The following ADAM18 variants were observed in gnomAD, a reference collection of about 807,000 sequenced individuals.
ADAM18 encodes the protein ADAM metallopeptidase domain 18.
ADAM18 carries 117 observed loss-of-function variants against 94.4 expected under a neutral mutation model. That is an observed-to-expected ratio of 1.24 (90% confidence interval 1.07 to 1.45). ADAM18 has a LOEUF of 1.45. Among genes scored for constraint, ADAM18 ranks in the 40% most tolerant of loss-of-function variants. The probability of loss-of-function intolerance (pLI) is 0.00; values close to 1 mark genes in which losing one functional copy is unlikely to be tolerated. For synonymous variants in ADAM18, 327 were observed against 291.6 expected, an observed-to-expected ratio of 1.12 and a Z score of -1.24; for missense variants, 936 against 880.0, an observed-to-expected ratio of 1.06 and a Z score of -0.81.
intron 12 of ADAM18, 91 bp from the exon 13 acceptor site, chr8:39,663,704 C>G: frequency 1.6e-6 from 1 of 624,180 alleles, no homozygotes; most frequent in South Asian, 1.7e-5. Flanking sequence ...CAAGTTTGTA[C>G]ACAACAGAAT....
intron 12 of ADAM18, among the ~76,000 whole-genome samples, chr8:39,663,469 T>C (rs1043241103): frequency 2.7e-5 from 4 of 149,452 alleles, no homozygotes; most frequent in African/African-American, 9.8e-5. Context: ...CATGATTGCT[T>C]ACACCTCTGG....
rs1384744278 is a variant in ADAM18 at position 39,680,200 on chromosome 8, G to A, written c.1795G>A (p.Asp599Asn). The A allele has an allele frequency of 1.9e-6, 3 of 1,613,060 alleles. No homozygotes were observed. The highest frequency in any genetic ancestry group is 2.5e-6 in the Non-Finnish European group (3 of 1,179,680). The change falls in exon 16 of 20, where the codon GAT becomes AAT. Residue 599 changes from aspartate (D) to asparagine (N), a missense_variant. Physicochemically the swap from Asp to Asn is conservative, Grantham distance 23. Transcript: ENST00000265707. Reference protein sequence around the residue: ...SDGTDNAYVADGTMCGPEMYC... With the variant: ...SDGTDNAYVANGTMCGPEMYC... ...TGGAACAGACAATGCCTATGTGGCT[G>A]ATGGCACCATGTGTGGTCCAGAAAT...
Position 39,728,728 on chromosome 8 carries a change from G to A in ADAM18, c.2178-1170G>A, listed in dbSNP as rs147681417. Among the ~76,000 whole-genome samples the A allele has an allele frequency of 1.2e-4, 19 of 152,166 alleles. No homozygotes were observed. In the East Asian group the frequency reaches 3.7e-3, roughly 29 times the overall value. ...AAGTCAAACAAATATTTTATGTTTA[G>A]AAGGAAGTGTGGAAAAATGAATTGT... On this transcript the variant is annotated intron_variant, in intron 19 of 19. Coordinates refer to ENST00000265707, the MANE Select transcript of ADAM18 (RefSeq NM_014237.3).
intron 19 of ADAM18, 47 bp downstream of exon 19, chr8:39,723,954 A>G: frequency 8.6e-7 from 1 of 1,168,844 alleles, no homozygotes; most frequent in Non-Finnish European, 1.1e-6. Context: ...TATCCTAGTC[A>G]TTAACCAGTG....
Position 39,706,924 on chromosome 8 carries a change from C to G in ADAM18, c.2017+20C>G, listed in dbSNP as rs755065477. The G allele has an allele frequency of 7.2e-6, 10 of 1,395,302 alleles. No homozygotes were observed. The South Asian group carries it at 1.2e-4, about 17-fold the overall frequency. The allele number at this position is 1,395,302 out of a possible 1,614,324, so 86.4% of individuals were successfully genotyped here. Reference sequence around the variant, plus strand: ...AATCTGGTAAGTGGAAATTTGTTTTCTAAAGCAAAATAGAAGGTTGTTTTA... The same window carrying G: ...AATCTGGTAAGTGGAAATTTGTTTTGTAAAGCAAAATAGAAGGTTGTTTTA... On this transcript the variant is annotated intron_variant, in intron 18 of 19. Transcript: ENST00000265707.
chr8:39,678,631 G>T (rs188876719), intron 15 of ADAM18, among the ~76,000 whole-genome samples: 30 of 152,188 alleles, frequency 2.0e-4, no homozygotes, highest in African/African-American at 7.2e-4. Context: ...GAAGATGGTG[G>T]CATGACAACC....
At chr8:39,722,315 T>TTA (rs5891065) in intron 18 of ADAM18, among the ~76,000 whole-genome samples, 12,243 of 146,132 alleles carry the variant, frequency 0.084, 697 homozygotes, top group Non-Finnish European at 0.12. Flanking sequence ...TTATATTTCT[T>TTA]TATATATATA....
At chr8:39,611,489 T>C (rs917014371) in intron 6 of ADAM18, 8 of 985,100 alleles carry the variant, frequency 8.1e-6, no homozygotes, top group African/African-American at 1.7e-5. Flanking sequence ...TTCACACTTT[T>C]ATTCTACTTT....
chr8:39,683,139 C>T (rs1258836919), intron 16 of ADAM18, among the ~76,000 whole-genome samples: 1 of 152,168 alleles, frequency 6.6e-6, no homozygotes, highest in East Asian at 1.9e-4. Flanking sequence ...TCATTGCTTA[C>T]TTGGATGAAA....
At chr8:39,707,733 A>G (rs1422808928) in intron 18 of ADAM18, among the ~76,000 whole-genome samples, 1 of 152,140 alleles carries the variant, frequency 6.6e-6, no homozygotes, top group Non-Finnish European at 1.5e-5. Flanking sequence ...AAATATTAAA[A>G]TATTTATAAT....
chr8:39,645,163 C>T (rs1310767273), intron 10 of ADAM18, among the ~76,000 whole-genome samples, 175 bp from the exon 11 acceptor site: 1 of 152,092 alleles, frequency 6.6e-6, no homozygotes, highest in East Asian at 1.9e-4. Flanking sequence ...TTGTTTCATG[C>T]TTCTTAATCA....
intron 17 of ADAM18, among the ~76,000 whole-genome samples, chr8:39,694,627 C>T (rs1024230511): frequency 2.6e-5 from 4 of 151,514 alleles, no homozygotes; most frequent in African/African-American, 7.2e-5. Flanking sequence ...TTCAGAGCAA[C>T]GTTTGGTTTA....
chr8:39,629,791 GAT>G, intron 7 of ADAM18, among the ~76,000 whole-genome samples: 1 of 151,578 alleles, frequency 6.6e-6, no homozygotes, highest in Non-Finnish European at 1.5e-5. Flanking sequence ...TAAAATAAAA[GAT>G]ATTTTATTTT....
chr8:39,643,782 A>G (rs1421191562), intron 10 of ADAM18, among the ~76,000 whole-genome samples: 1 of 151,106 alleles, frequency 6.6e-6, no homozygotes, highest in East Asian at 1.9e-4. Flanking sequence ...CACTTTATCT[A>G]AATACCTTCT....
At chr8:39,675,770 C>G (rs1329752065) in intron 14 of ADAM18, among the ~76,000 whole-genome samples, 1 of 152,158 alleles carries the variant, frequency 6.6e-6, no homozygotes, top group Non-Finnish European at 1.5e-5. Context: ...TTTTGTCTAC[C>G]TTTGGTCTTT....
chr8:39,723,404 C>T (rs1020371401), intron 18 of ADAM18, among the ~76,000 whole-genome samples: 12 of 151,372 alleles, frequency 7.9e-5, no homozygotes, highest in Non-Finnish European at 1.5e-4. Flanking sequence ...ATTTGGCAAG[C>T]GAGTGGGATG....
At chr8:39,653,910 A>G (rs1398299703) in intron 12 of ADAM18, among the ~76,000 whole-genome samples, 1 of 152,056 alleles carries the variant, frequency 6.6e-6, no homozygotes, top group African/African-American at 2.4e-5. Flanking sequence ...GCTATTGAAC[A>G]CTAGAACTTA....
At chr8:39,706,944 G>T (rs771780852) in intron 18 of ADAM18, 40 bp downstream of exon 18, 12 of 1,197,402 alleles carry the variant, frequency 1.0e-5, no homozygotes, top group Non-Finnish European at 1.3e-5. Context: ...ATAGAAGGTT[G>T]TTTTATATAA....
intron 6 of ADAM18, chr8:39,611,615 A>T (rs1005954351): frequency 1.0e-6 from 1 of 983,320 alleles, no homozygotes; most frequent in African/African-American, 1.7e-5. Flanking sequence ...AGCTGGAAAC[A>T]GCATTGCTTC....
Sources: gnomAD v4.1 joint callset for allele counts (sites outside exome capture counted in the v4.1 genomes callset) on GRCh38, gnomAD v4.1.1 for gene constraint, MANE v1.5 for transcripts, NCBI Gene and HGNC (gene_info 2026-07-23, HGNC 2026-07-21) for gene names.